Variants in AKTIP observed in about 807,000 individuals in gnomAD.
AKTIP encodes the protein AKT interacting protein.
A neutral mutation model predicts 39.1 loss-of-function variants in AKTIP; 16 were observed. That is an observed-to-expected ratio of 0.41 (90% CI 0.28 to 0.62). The LOEUF is 0.62. Among genes scored for constraint, AKTIP ranks in the 20% least tolerant of loss-of-function variants. The probability of loss-of-function intolerance (pLI) is 0.32; values close to 1 mark genes in which losing one functional copy is unlikely to be tolerated. For missense variants in AKTIP, 262 were observed against 356.6 expected (o/e 0.73, Z 2.14); for synonymous variants, 93 against 124.3 (o/e 0.75, Z 1.67).
Position 53,498,709 on chromosome 16 carries a change from AAC to A in AKTIP, c.43-115_43-114del, listed in dbSNP as rs971693572. On this transcript the variant is annotated intron_variant, in intron 2 of 9. Transcript: ENST00000394657. ...AATTACTCCTTTACAAGCACATTCT[AAC>A]ACCATGACCAAGATGACTAGAAAGT... is the stretch of plus-strand genomic sequence containing the variant. 4 of 1,073,722 alleles carry A rather than the reference AAC, an allele frequency of 3.7e-6. No homozygotes were observed. In the African/African-American group the frequency reaches 6.2e-5, roughly 17 times the overall value. The allele number at this position is 1,073,722 out of a possible 1,614,324, so 66.5% of individuals were successfully genotyped here. A position where few individuals can be genotyped will look rare whatever the true frequency, so the allele number is the denominator to read the frequency against.
At chr16:53,495,474 C>A in intron 3 of AKTIP, 148 bp from the exon 4 acceptor site, 1 of 709,768 alleles carries the variant, frequency 1.4e-6, no homozygotes, top group Non-Finnish European at 2.4e-6. Context: ...CAATCTCTCA[C>A]CTGACACAAC....
chr16:53,499,434 A>G (rs1327844007), intron 2 of AKTIP, among the ~76,000 whole-genome samples: 1 of 150,592 alleles, frequency 6.6e-6, no homozygotes, highest in Non-Finnish European at 1.5e-5. Flanking sequence ...TTGTTCTCCT[A>G]GAGGTGAGAT....
At position 53,492,260 on chromosome 16, in the gene AKTIP, C is replaced by G. The variant is rs150127020; in HGVS notation, c.*152G>C. 1.4e-4 allele frequency: 89 copies of G among 644,582 alleles called. No homozygotes were observed. In the East Asian group the frequency reaches 2.0e-3, roughly 14 times the overall value. 39.9% of individuals were successfully genotyped at this position (644,582 alleles called of 1,614,324 possible). ...ATTACTTAGAGACAGGTTTCCAAAC[C>G]CTGCTGTTAGAACCTATGCATACAT... On this transcript the variant is annotated 3_prime_UTR_variant, in exon 10 of 10. Coordinates refer to ENST00000394657, the MANE Select transcript of AKTIP (RefSeq NM_022476.4).
rs1961420146 is a variant in AKTIP at position 53,491,153 on chromosome 16, A to G, written c.*1259T>C. On this transcript the variant is annotated 3_prime_UTR_variant, in exon 10 of 10. Coordinates refer to ENST00000394657, the MANE Select transcript of AKTIP (RefSeq NM_022476.4). ...CCAGTTTTTTGTTATATAGGGATCA[A>G]CCAGCTAAGAAAAGATTTTAATCAA... is the stretch of plus-strand genomic sequence containing the variant. 1 of 152,442 alleles carries G rather than the reference A, an allele frequency of 6.6e-6. No individual in the cohort carries two copies. Among genetic ancestry groups the G allele is most frequent in the Admixed American group, 6.5e-5 (1 of 15,274 alleles). 9.4% of individuals were successfully genotyped at this position (152,442 alleles called of 1,614,324 possible).
At chr16:53,497,229 C>T (rs1481671397) in intron 3 of AKTIP, among the ~76,000 whole-genome samples, 1 of 152,188 alleles carries the variant, frequency 6.6e-6, no homozygotes, top group Non-Finnish European at 1.5e-5. Context: ...GCTGGAGCCC[C>T]CGTGTGTGCC....
At chr16:53,500,740 G>A (rs1337596507) in intron 1 of AKTIP, among the ~76,000 whole-genome samples, 2 of 152,130 alleles carry the variant, frequency 1.3e-5, no homozygotes, top group Non-Finnish European at 2.9e-5. Flanking sequence ...ACAATATAAT[G>A]TTATATAACA....
At chr16:53,498,328 A>C in intron 3 of AKTIP, 63 bp downstream of exon 3, 1 of 1,549,924 alleles carries the variant, frequency 6.5e-7, no homozygotes, top group Non-Finnish European at 8.9e-7. Context: ...CATCAGAATA[A>C]ATTTCATTCT....
upstream of AKTIP, among the ~76,000 whole-genome samples, chr16:53,504,109 T>TA (rs780928168): frequency 0.033 from 4,717 of 141,452 alleles, 439 homozygotes; most frequent in African/African-American, 0.082. Context: ...TTTTTTTTTT[T>TA]AATTCACACG....
intron 3 of AKTIP, among the ~76,000 whole-genome samples, chr16:53,496,975 T>A (rs1443534578): frequency 1.3e-5 from 2 of 152,218 alleles, no homozygotes; most frequent in African/African-American, 4.8e-5. Context: ...TTTTTAATTT[T>A]TTTTTTAGAG....
At chr16:53,495,372 C>T (rs78472300) in intron 3 of AKTIP, 46 bp from the exon 4 acceptor site, 35,652 of 1,587,544 alleles carry the variant, frequency 0.022, 465 homozygotes, top group Non-Finnish European at 0.027. Flanking sequence ...ACAAATGACA[C>T]ATGCAGATCA....
chr16:53,493,115 G>C (rs1042138081), intron 8 of AKTIP: 2 of 212,088 alleles, frequency 9.4e-6, no homozygotes, highest in Non-Finnish European at 1.9e-5. Flanking sequence ...TGTCACCCAG[G>C]CTGGAGTGCA....
intron 1 of AKTIP, among the ~76,000 whole-genome samples, chr16:53,502,392 CCTTTA>C (rs1361244098): frequency 4.6e-5 from 7 of 152,156 alleles, no homozygotes; most frequent in Non-Finnish European, 8.8e-5. Flanking sequence ...CGGCTGCATT[CCTTTA>C]CATCACCCAG....
Position 53,494,161 on chromosome 16 carries a change from T to A in AKTIP, c.687A>T (p.Lys229Asn). 1 of 1,614,108 alleles carries A rather than the reference T, an allele frequency of 6.2e-7. No individual in the cohort carries two copies. The highest frequency in any genetic ancestry group is 8.5e-7 in the Non-Finnish European group (1 of 1,179,970). The change falls in exon 8 of 10, where the codon AAA becomes AAT. Residue 229 changes from lysine (K) to asparagine (N), a missense_variant. Lys to Asn is a moderately conservative substitution (Grantham distance 94, BLOSUM62 0). Coordinates refer to ENST00000394657, the MANE Select transcript of AKTIP (RefSeq NM_022476.4). ...ACCTAATTGCATAGGGGTCTTCTAT[T>A]TTAGGTTGGTCAAACAAACGAGCAG... ...VCTARLFDQP[K>N]IEDPYAISFS... is the part of the protein sequence containing the mutation.
At chr16:53,504,368 C>G (rs1183309583), upstream of AKTIP, 1 of 152,164 alleles carries the variant, frequency 6.6e-6, no homozygotes, top group Non-Finnish European at 1.5e-5. Context: ...ACTCAGAAGC[C>G]GCATTCTCTG....
Position 53,491,734 on chromosome 16 carries a change from T to TAAAC in AKTIP, c.*674_*677dup, listed in dbSNP as rs1428097932. 6.5e-6 allele frequency: 1 copy of TAAAC among 152,768 alleles called. No homozygotes were observed. The highest frequency in any genetic ancestry group is 6.5e-5 in the Admixed American group (1 of 15,290). 9.5% of individuals were successfully genotyped at this position (152,768 alleles called of 1,614,324 possible). A position where few individuals can be genotyped will look rare whatever the true frequency, so the allele number is the denominator to read the frequency against. The stretch of plus-strand genomic sequence containing the variant: ...ATTTATTGGTTTATTTTGTCTCTAC[T>TAAAC]AAACACATTAGTCATTTATCATTTA... On this transcript the variant is annotated 3_prime_UTR_variant, in exon 10 of 10. Transcript: ENST00000394657.
At chr16:53,495,390 C>T (rs1398779691) in intron 3 of AKTIP, 64 bp from the exon 4 acceptor site, 5 of 1,500,464 alleles carry the variant, frequency 3.3e-6, no homozygotes, top group Non-Finnish European at 4.6e-6. Context: ...TCAAACCACC[C>T]CACATTCACT....
chr16:53,497,255 GC>G (rs1292486009), intron 3 of AKTIP, among the ~76,000 whole-genome samples: 2 of 152,242 alleles, frequency 1.3e-5, no homozygotes, highest in Admixed American at 1.3e-4. Flanking sequence ...CCACAGGGTC[GC>G]TGCCAGCACT....
rs1961558843 is a variant in AKTIP at position 53,492,624 on chromosome 16, G to A, written c.771+69C>T. On this transcript the variant is annotated intron_variant, in intron 9 of 9. Coordinates refer to ENST00000394657, the MANE Select transcript of AKTIP (RefSeq NM_022476.4). ...AAAAGTTACTTGTATGTAATGAGCA[G>A]TCTCCAAATGAAGACATTTTAGAAA... The A allele has an allele frequency of 1.3e-5, 21 of 1,598,920 alleles. No homozygotes were observed. The South Asian group carries it at 1.7e-4, about 13-fold the overall frequency.
intron 2 of AKTIP, among the ~76,000 whole-genome samples, chr16:53,499,236 A>G (rs1962021264): frequency 6.6e-6 from 1 of 152,224 alleles, no homozygotes; most frequent in Non-Finnish European, 1.5e-5. Context: ...AAGTACAACC[A>G]AACGCTGTTT....
Sources: gnomAD v4.1 joint callset for allele counts (sites outside exome capture counted in the v4.1 genomes callset) on GRCh38, gnomAD v4.1.1 for gene constraint, MANE v1.5 for transcripts, NCBI Gene and HGNC (gene_info 2026-07-23, HGNC 2026-07-21) for gene names.